The following BRINP1 variants were observed in gnomAD, a reference collection of about 807,000 sequenced individuals.
The protein encoded by BRINP1 is BMP/retinoic acid inducible neural specific 1.
BRINP1 carries 17 observed loss-of-function variants against 72.9 expected under a neutral mutation model. That is an observed-to-expected ratio of 0.23 (90% CI 0.16 to 0.35). The LOEUF is 0.35. Among genes scored for constraint, BRINP1 ranks in the 10% least tolerant of loss-of-function variants. The probability of loss-of-function intolerance (pLI) is 1.00; values close to 1 mark genes in which losing one functional copy is unlikely to be tolerated. For synonymous variants in BRINP1, 418 were observed against 378.5 expected (o/e 1.10, Z -1.21); for missense variants, 850 against 1,001.6 (o/e 0.85, Z 2.04).
At chr9:119,294,221 T>C (rs1170088853) in intron 2 of BRINP1, among the ~76,000 whole-genome samples, 1 of 152,172 alleles carries the variant, frequency 6.6e-6, no homozygotes, top group Non-Finnish European at 1.5e-5. Flanking sequence ...AAAAGACATA[T>C]ATTCTGAAAA....
At chr9:119,322,561 T>G (rs1253163029) in intron 1 of BRINP1, among the ~76,000 whole-genome samples, 1 of 152,182 alleles carries the variant, frequency 6.6e-6, no homozygotes, top group African/African-American at 2.4e-5. Flanking sequence ...CTGCATGGAT[T>G]GCTGGGCCAT....
At chr9:119,285,302 G>A (rs1424971885) in intron 2 of BRINP1, among the ~76,000 whole-genome samples, 1 of 152,076 alleles carries the variant, frequency 6.6e-6, no homozygotes, top group African/African-American at 2.4e-5. Context: ...GGCTGGTGCA[G>A]AATGGATCTG....
intron 2 of BRINP1, among the ~76,000 whole-genome samples, chr9:119,253,569 A>G (rs1830415296): frequency 6.6e-6 from 1 of 152,160 alleles, no homozygotes; most frequent in African/African-American, 2.4e-5. Flanking sequence ...TCGTGAAGAT[A>G]GAGAGTGAAA....
intron 5 of BRINP1, among the ~76,000 whole-genome samples, chr9:119,237,267 T>C (rs193181790): frequency 5.4e-4 from 82 of 152,200 alleles, no homozygotes; most frequent in African/African-American, 1.9e-3. Flanking sequence ...GAAAAGAAAT[T>C]AGATGCCTAA....
chr9:119,180,983 G>A (rs1374204244), intron 7 of BRINP1, among the ~76,000 whole-genome samples: 1 of 152,194 alleles, frequency 6.6e-6, no homozygotes, highest in Non-Finnish European at 1.5e-5. Context: ...GAGCCTAATT[G>A]AGGAGGATTA....
chr9:119,174,043 G>A (rs1448431524), intron 7 of BRINP1, among the ~76,000 whole-genome samples: 1 of 125,882 alleles, frequency 7.9e-6, no homozygotes, highest in East Asian at 2.1e-4. Flanking sequence ...TACCATTCAG[G>A]ACATAGGCGT....
At chr9:119,200,161 C>T (rs1829790027) in intron 7 of BRINP1, among the ~76,000 whole-genome samples, 1 of 152,094 alleles carries the variant, frequency 6.6e-6, no homozygotes, top group African/African-American at 2.4e-5. Flanking sequence ...TTCGGAGAAG[C>T]AAATAATCTA....
chr9:119,247,499 T>TA (rs1027956319), intron 3 of BRINP1, among the ~76,000 whole-genome samples: 5 of 150,922 alleles, frequency 3.3e-5, no homozygotes, highest in African/African-American at 9.7e-5. Context: ...AAAAAAAATA[T>TA]AAAAAATTAG....
rs1182673359 is a variant in BRINP1, at chr9:119,293,857, G to A, written c.218+19281C>T. On this transcript the variant is annotated intron_variant, in intron 2 of 7. Transcript: ENST00000265922. The stretch of plus-strand genomic sequence containing the variant: ...CTAAGATTCAGTACAAGGCTAGGAT[G>A]CCCACTCACCACTTCTATTCAGCAT... Among the ~76,000 whole-genome samples the A allele has an allele frequency of 5.3e-5, 8 of 152,230 alleles. No homozygotes were observed. The East Asian group carries it at 1.5e-3, about 29-fold the overall frequency.
At chr9:119,190,143 A>G (rs76315084) in intron 7 of BRINP1, among the ~76,000 whole-genome samples, 1 of 152,098 alleles carries the variant, frequency 6.6e-6, no homozygotes, top group East Asian at 1.9e-4. Context: ...GAAACATGAC[A>G]TATGAAAACC....
intron 7 of BRINP1, among the ~76,000 whole-genome samples, chr9:119,206,102 A>G (rs547416516): frequency 1.3e-5 from 2 of 152,178 alleles, no homozygotes; most frequent in African/African-American, 4.8e-5. Flanking sequence ...CTAATCCAAT[A>G]TAACTGGTAT....
intron 2 of BRINP1, among the ~76,000 whole-genome samples, chr9:119,286,536 C>T (rs556112439): frequency 8.5e-5 from 13 of 152,316 alleles, no homozygotes; most frequent in South Asian, 2.1e-4. Context: ...GCCCGGCCAT[C>T]GCCATCATCA....
rs1313943346 is a variant in BRINP1 at position 119,238,656 on chromosome 9, T to C, written c.684A>G (p.Gln228=). The C allele has an allele frequency of 1.6e-5, 25 of 1,600,632 alleles. No homozygotes were observed. The highest frequency in any genetic ancestry group is 2.1e-5 in the Non-Finnish European group (25 of 1,173,270). The change falls in exon 5 of 8, where the codon CAA becomes CAG. Residue 228 remains glutamine (Q), a splice_region_variant and synonymous_variant. Transcript: ENST00000265922. ...LQSTESKLHL[Q]GLQIIFPQYL... Reference sequence around the variant, plus strand: ...CCACTTTTTCCACTGGCTTCCTACCTTGAAGGTGCAGTTTGCTCTCCGTGC... The same window carrying C: ...CCACTTTTTCCACTGGCTTCCTACCCTGAAGGTGCAGTTTGCTCTCCGTGC...
At chr9:119,236,186 G>T (rs534864888) in intron 5 of BRINP1, among the ~76,000 whole-genome samples, 1 of 152,152 alleles carries the variant, frequency 6.6e-6, no homozygotes, top group Non-Finnish European at 1.5e-5. Flanking sequence ...AAGAAAAACT[G>T]CAGTTTCTCA....
chr9:119,362,494 G>A (rs1831645093), intron 1 of BRINP1, among the ~76,000 whole-genome samples: 1 of 152,070 alleles, frequency 6.6e-6, no homozygotes, highest in Admixed American at 6.5e-5. Flanking sequence ...TTATAGATTT[G>A]CAGATCGGTA....
Position 119,338,695 on chromosome 9 carries a change from A to AC in BRINP1, c.-50-25291dup, listed in dbSNP as rs1415763749. Reference sequence around the variant, plus strand: ...AGACCATCCTGGCTAACATGGTGAAACCCCATCTCTACTAAAAATACAAAA... The same window carrying AC: ...AGACCATCCTGGCTAACATGGTGAAACCCCCATCTCTACTAAAAATACAAAA... On this transcript the variant is annotated intron_variant, in intron 1 of 7. Coordinates refer to ENST00000265922, the MANE Select transcript of BRINP1 (RefSeq NM_014618.3). Among the ~76,000 whole-genome samples the AC allele has an allele frequency of 5.0e-5, 7 of 138,694 alleles. No homozygotes were observed. The Admixed American group carries it at 5.2e-4, about 10-fold the overall frequency. 91.0% of individuals were successfully genotyped at this position (138,694 alleles called of 152,430 possible). A position where few individuals can be genotyped will look rare whatever the true frequency, so the allele number is the denominator to read the frequency against.
chr9:119,317,466 T>C (rs1459929094), intron 1 of BRINP1, among the ~76,000 whole-genome samples: 2 of 152,166 alleles, frequency 1.3e-5, no homozygotes, highest in Non-Finnish European at 2.9e-5. Context: ...TCCTTATGGA[T>C]GAGCAAAGAA....
chr9:119,205,343 C>A (rs978734156), intron 7 of BRINP1, among the ~76,000 whole-genome samples: 1 of 152,140 alleles, frequency 6.6e-6, no homozygotes, highest in African/African-American at 2.4e-5. Context: ...GACATCCTCT[C>A]CAGGTGAGAA....
intron 3 of BRINP1, among the ~76,000 whole-genome samples, chr9:119,246,739 G>T (rs767837097): frequency 6.6e-6 from 1 of 152,212 alleles, no homozygotes; most frequent in African/African-American, 2.4e-5. Context: ...TGCAGAGGAG[G>T]CTCTTAAAAA....
Sources: allele counts gnomAD v4.1 joint callset (sites outside exome capture counted in the v4.1 genomes callset), GRCh38; gene constraint gnomAD v4.1.1; transcripts MANE v1.5; gene names NCBI Gene and HGNC (gene_info 2026-07-23, HGNC 2026-07-21).